The following MDGA2 variants were observed in gnomAD, a reference collection of about 807,000 sequenced individuals.
MDGA2 encodes the protein MAM domain containing glycosylphosphatidylinositol anchor 2, also known as MAM domain-containing glycosylphosphatidylinositol anchor protein 2.
Under a neutral mutation model 117.8 loss-of-function variants are expected in MDGA2, and 40 were observed. The ratio of observed to expected loss-of-function variants is 0.34; its 90% CI spans 0.26 to 0.44. The LOEUF (loss-of-function observed/expected upper bound fraction) is 0.44. MDGA2 is among the 20% of genes least tolerant of loss of function. The probability of loss-of-function intolerance (pLI) is 1.00; values close to 1 mark genes in which losing one functional copy is unlikely to be tolerated. For synonymous variants in MDGA2, 452 were observed against 439.0 expected (o/e 1.03, Z -0.37); for missense variants, 1,123 against 1,250.6 (o/e 0.90, Z 1.54).
At chr14:47,406,812 T>C (rs2138476155) in intron 1 of MDGA2, among the ~76,000 whole-genome samples, 1 of 152,128 alleles carries the variant, frequency 6.6e-6, no homozygotes, top group Admixed American at 6.5e-5. Context: ...AATTATAAAG[T>C]TTTGTAAAGT....
chr14:47,632,453 T>G (rs1897258944), intron 1 of MDGA2, among the ~76,000 whole-genome samples: 2 of 152,228 alleles, frequency 1.3e-5, no homozygotes, highest in South Asian at 2.1e-4. Flanking sequence ...CCCAGTTTTG[T>G]TCATTCCCTC....
chr14:47,407,918 C>T (rs1892291674), intron 1 of MDGA2, among the ~76,000 whole-genome samples: 1 of 152,056 alleles, frequency 6.6e-6, no homozygotes, highest in Admixed American at 6.6e-5. Flanking sequence ...TAACAAATAA[C>T]ACATGTAGTA....
chr14:47,293,021 G>T lies in MDGA2; in HGVS notation c.420+8390C>A, dbSNP rs147790722. Among the ~76,000 whole-genome samples, 294 of 152,240 alleles carry T rather than the reference G, an allele frequency of 1.9e-3. 3 individuals carry two copies. Among genetic ancestry groups the T allele is most frequent in the East Asian group, 0.019 (96 of 5,172 alleles). ...CTGCCATTTCTGAAAATGGCAGTCA[G>T]ACCATTGAGTTTAGAGATCCTTGTT... is the stretch of plus-strand genomic sequence containing the variant. On this transcript the variant is annotated intron_variant, in intron 2 of 16. Coordinates refer to ENST00000399232, the MANE Select transcript of MDGA2 (RefSeq NM_001113498.3).
intron 8 of MDGA2, among the ~76,000 whole-genome samples, chr14:46,979,217 G>A (rs901963560): frequency 1.5e-4 from 23 of 151,884 alleles, no homozygotes; most frequent in Admixed American, 1.3e-4. Context: ...CGGGAACTGC[G>A]CACATATGAC....
intron 1 of MDGA2, among the ~76,000 whole-genome samples, chr14:47,493,181 C>T (rs949034323): frequency 1.3e-5 from 2 of 151,504 alleles, no homozygotes; most frequent in African/African-American, 4.8e-5. Flanking sequence ...ATATATAGTA[C>T]TTAAGCCATC....
At chr14:47,324,659 C>T (rs1007559406) in intron 1 of MDGA2, among the ~76,000 whole-genome samples, 10 of 151,748 alleles carry the variant, frequency 6.6e-5, no homozygotes, top group African/African-American at 2.4e-4. Flanking sequence ...TTTTTTTTGA[C>T]TATGAACCTT....
chr14:46,854,981 T>C, intron 15 of MDGA2, 43 bp downstream of exon 15: 1 of 1,500,704 alleles, frequency 6.7e-7, no homozygotes, highest in East Asian at 2.3e-5. Context: ...TTTAATATTA[T>C]GCTCATTTAC....
intron 1 of MDGA2, among the ~76,000 whole-genome samples, chr14:47,311,523 G>T (rs1416615268): frequency 6.6e-6 from 1 of 152,084 alleles, no homozygotes. Context: ...CCAGGAGACA[G>T]AGATCAGTGA....
At chr14:47,043,154 G>C (rs1469215728) in intron 7 of MDGA2, among the ~76,000 whole-genome samples, 1 of 151,970 alleles carries the variant, frequency 6.6e-6, no homozygotes, top group Non-Finnish European at 1.5e-5. Flanking sequence ...ATGTGTGCTT[G>C]AGAGATGTTC....
intron 7 of MDGA2, among the ~76,000 whole-genome samples, chr14:47,060,701 A>G (rs770596986): frequency 6.6e-5 from 10 of 152,076 alleles, no homozygotes; most frequent in Non-Finnish European, 1.3e-4. Flanking sequence ...ATATTTTCGT[A>G]CTTAACTATT....
intron 1 of MDGA2, among the ~76,000 whole-genome samples, chr14:47,329,740 T>C (rs1310480104): frequency 6.6e-6 from 1 of 152,034 alleles, no homozygotes; most frequent in African/African-American, 2.4e-5. Flanking sequence ...CTAGTTAATA[T>C]ATACAATTTG....
intron 8 of MDGA2, among the ~76,000 whole-genome samples, chr14:47,015,276 A>G (rs2138555370): frequency 6.6e-6 from 1 of 152,154 alleles, no homozygotes; most frequent in South Asian, 2.1e-4. Flanking sequence ...ATATTGCAAG[A>G]ATTACCAAAA....
rs139554582 is a variant in MDGA2, at chr14:47,476,897, C to T, written c.281-175347G>A. ...CTATATTTCACTGGGCGTGGTGGCT[C>T]ATGCCTGTAATCCCAGCACTTTGGG... On this transcript the variant is annotated intron_variant, in intron 1 of 16. Transcript: ENST00000399232. 1.1e-3 allele frequency among the ~76,000 whole-genome samples: 175 copies of T among 152,344 alleles called. 1 individual carries two copies. The highest frequency in any genetic ancestry group is 3.7e-3 in the African/African-American group (153 of 41,582).
At chr14:46,880,740 T>G (rs962693131) in intron 11 of MDGA2, among the ~76,000 whole-genome samples, 2 of 144,614 alleles carry the variant, frequency 1.4e-5, no homozygotes, top group Non-Finnish European at 3.0e-5. Context: ...AGGTGGAGGT[T>G]GCGGTGAGCC....
chr14:47,238,868 C>T (rs1045356216), intron 2 of MDGA2, among the ~76,000 whole-genome samples: 24 of 151,608 alleles, frequency 1.6e-4, no homozygotes, highest in Admixed American at 1.1e-3. Context: ...CCAAATAATA[C>T]AAAATGATTT....
At chr14:47,633,976 C>G (rs1240441188) in intron 1 of MDGA2, among the ~76,000 whole-genome samples, 1 of 152,120 alleles carries the variant, frequency 6.6e-6, no homozygotes, top group Non-Finnish European at 1.5e-5. Flanking sequence ...AATAGACTGT[C>G]CTTTCCTAGG....
intron 2 of MDGA2, among the ~76,000 whole-genome samples, chr14:47,279,638 C>T (rs1438331848): frequency 1.3e-5 from 2 of 151,988 alleles, no homozygotes; most frequent in Admixed American, 6.6e-5. Flanking sequence ...AAAAAGGCTT[C>T]CCTATCCTGT....
intron 1 of MDGA2, among the ~76,000 whole-genome samples, chr14:47,607,436 T>TA (rs1364717270): frequency 2.0e-5 from 3 of 152,336 alleles, no homozygotes; most frequent in Non-Finnish European, 4.4e-5. Context: ...TTAGTTGCTA[T>TA]ATATCAACAT....
chr14:47,017,709 C>T (rs1888134639), intron 8 of MDGA2, among the ~76,000 whole-genome samples: 1 of 151,820 alleles, frequency 6.6e-6, no homozygotes, highest in African/African-American at 2.4e-5. Flanking sequence ...ACAGATAGGC[C>T]CTATCTTCCT....
Sources: allele counts gnomAD v4.1 joint callset (sites outside exome capture counted in the v4.1 genomes callset), GRCh38; gene constraint gnomAD v4.1.1; transcripts MANE v1.5; gene names NCBI Gene and HGNC (gene_info 2026-07-23, HGNC 2026-07-21).